The following CD226 variants were observed in gnomAD, a reference collection of about 807,000 sequenced individuals.
CD226 encodes CD226 molecule, also known as CD226 antigen.
CD226 carries 24 observed loss-of-function variants against 34.9 expected under a neutral mutation model. The observed-to-expected ratio is 0.69, with a 90% CI of 0.50 to 0.97. CD226 has a LOEUF of 0.97. CD226 is among the 50% of genes least tolerant of loss of function. CD226 has a pLI of 0.00. For synonymous variants in CD226, 148 were observed against 147.4 expected (o/e 1.00, Z -0.03); for missense variants, 397 against 412.7 (o/e 0.96, Z 0.33).
At chr18:69,894,017 C>T (rs1444289150) in intron 3 of CD226, among the ~76,000 whole-genome samples, 2 of 151,212 alleles carry the variant, frequency 1.3e-5, no homozygotes, top group East Asian at 3.9e-4. Flanking sequence ...ACAAGTCTAA[C>T]ATAAGTCAAA....
chr18:69,874,899 T>G (rs1204540805), intron 3 of CD226, among the ~76,000 whole-genome samples: 1 of 152,220 alleles, frequency 6.6e-6, no homozygotes, highest in African/African-American at 2.4e-5. Context: ...CTGTCACACA[T>G]GATATGATTT....
At chr18:69,869,333 A>G (rs2266603) in intron 4 of CD226, among the ~76,000 whole-genome samples, 9,201 of 152,292 alleles carry the variant, frequency 0.06, 811 homozygotes, top group African/African-American at 0.19. Flanking sequence ...ACAGAAAGAA[A>G]TGAGATCATG....
chr18:69,872,443 G>A (rs1983594301), intron 4 of CD226, among the ~76,000 whole-genome samples: 2 of 151,938 alleles, frequency 1.3e-5, no homozygotes, highest in African/African-American at 4.8e-5. Context: ...TATTGACAGG[G>A]TCTTGCTATG....
At chr18:69,936,123 A>C (rs1599023499) in intron 2 of CD226, among the ~76,000 whole-genome samples, 1 of 152,186 alleles carries the variant, frequency 6.6e-6, no homozygotes, top group Admixed American at 6.5e-5. Flanking sequence ...CCAAGCCTGT[A>C]CCCGTGCCTG....
At chr18:69,901,071 T>A (rs1291957361) in intron 2 of CD226, among the ~76,000 whole-genome samples, 1 of 151,864 alleles carries the variant, frequency 6.6e-6, no homozygotes, top group African/African-American at 2.4e-5. Flanking sequence ...AACCACCAAC[T>A]TACAGAACTG....
intron 2 of CD226, among the ~76,000 whole-genome samples, chr18:69,920,867 G>C (rs984440922): frequency 6.6e-6 from 1 of 152,176 alleles, no homozygotes. Context: ...AATAGTAGAT[G>C]AATAGCATCT....
chr18:69,878,464 T>C (rs1984013094), intron 3 of CD226, among the ~76,000 whole-genome samples: 1 of 151,790 alleles, frequency 6.6e-6, no homozygotes, highest in Non-Finnish European at 1.5e-5. Context: ...ATATTGCCAG[T>C]CCCTTCTTCC....
chr18:69,925,964 G>T (rs1430616938), intron 2 of CD226, among the ~76,000 whole-genome samples: 2 of 152,102 alleles, frequency 1.3e-5, no homozygotes, highest in Non-Finnish European at 2.9e-5. Flanking sequence ...CCAATATGGT[G>T]ATACCCCATC....
At chr18:69,954,898 T>C (rs2055883717) in intron 1 of CD226, among the ~76,000 whole-genome samples, 1 of 152,226 alleles carries the variant, frequency 6.6e-6, no homozygotes, top group African/African-American at 2.4e-5. Flanking sequence ...GAGCTATTTT[T>C]GTTGTGTCAG....
intron 3 of CD226, among the ~76,000 whole-genome samples, chr18:69,893,873 A>T (rs1317818592): frequency 1.3e-5 from 2 of 152,218 alleles, no homozygotes; most frequent in African/African-American, 4.8e-5. Context: ...TCCTTATTAT[A>T]CACAGAGCTA....
intron 2 of CD226, among the ~76,000 whole-genome samples, chr18:69,914,210 C>A (rs2055359002): frequency 6.6e-6 from 1 of 152,166 alleles, no homozygotes; most frequent in Admixed American, 6.5e-5. Flanking sequence ...CAGATCACAC[C>A]TGCAAAACTA....
Position 69,864,269 on chromosome 18 carries a change from G to A in CD226, c.*45C>T, listed in dbSNP as rs57613010. On this transcript the variant is annotated 3_prime_UTR_variant, in exon 6 of 6. Coordinates refer to ENST00000582621, the MANE Select transcript of CD226 (RefSeq NM_001303618.2). Reference sequence around the variant, plus strand: ...AAAAATTGCATAAAGATCCATGCATGAGTACATAAGAGTCATTACTAATGC... The same window carrying A: ...AAAAATTGCATAAAGATCCATGCATAAGTACATAAGAGTCATTACTAATGC... The A allele has an allele frequency of 2.2e-5, 35 of 1,597,986 alleles. No individual in the cohort carries two copies. The highest frequency in any genetic ancestry group is 2.8e-5 in the Non-Finnish European group (33 of 1,168,082).
chr18:69,954,568 G>A (rs1048208977), intron 1 of CD226, among the ~76,000 whole-genome samples: 5 of 151,894 alleles, frequency 3.3e-5, no homozygotes, highest in African/African-American at 1.2e-4. Context: ...CACTCTCGGT[G>A]GTTTCTATGA....
intron 3 of CD226, among the ~76,000 whole-genome samples, chr18:69,884,657 C>T (rs1984457881): frequency 6.6e-6 from 1 of 152,218 alleles, no homozygotes; most frequent in African/African-American, 2.4e-5. Flanking sequence ...AAGCACCTCA[C>T]TCAAGGTGCA....
chr18:69,880,348 GAAAGAAAGA>G lies in CD226; in HGVS notation c.728-7111_728-7103del, dbSNP rs796498055. Among the ~76,000 whole-genome samples the G allele has an allele frequency of 9.3e-3, 772 of 83,284 alleles. 29 individuals carry two copies. The East Asian group carries it at 0.2, about 22-fold the overall frequency. 54.6% of individuals were successfully genotyped at this position (83,284 alleles called of 152,430 possible). A position where few individuals can be genotyped will look rare whatever the true frequency, so the allele number is the denominator to read the frequency against. ...AGAAAGAGAGAAAGAAAGAAAGAAA[GAAAGAAAGA>G]AAGGAAGGAAGGAAGGAAGGAAGGG... On this transcript the variant is annotated intron_variant, in intron 3 of 5. Coordinates refer to ENST00000582621, the MANE Select transcript of CD226 (RefSeq NM_001303618.2).
intron 2 of CD226, among the ~76,000 whole-genome samples, chr18:69,902,572 AAAT>A (rs899953619): frequency 6.6e-6 from 1 of 150,938 alleles, no homozygotes. Context: ...CCCTAAAAAA[AAAT>A]GTGTGTTGTG....
chr18:69,949,765 CA>C (rs1344807106), upstream of CD226, among the ~76,000 whole-genome samples: 3 of 148,298 alleles, frequency 2.0e-5, no homozygotes, highest in African/African-American at 7.3e-5. Flanking sequence ...CACATGCACC[CA>C]CACACACATG....
intron 3 of CD226, among the ~76,000 whole-genome samples, chr18:69,891,292 A>C (rs1163949216): frequency 6.6e-6 from 1 of 152,026 alleles, no homozygotes; most frequent in African/African-American, 2.4e-5. Flanking sequence ...TGTGATTAAA[A>C]AAAAAAAACT....
Position 69,900,656 on chromosome 18 carries a change from C to T in CD226, c.383-4611G>A, listed in dbSNP as rs1017569995. Among the ~76,000 whole-genome samples, 43 of 146,442 alleles carry T rather than the reference C, an allele frequency of 2.9e-4. 1 individual carries two copies. Among genetic ancestry groups the T allele is most frequent in the Non-Finnish European group, 5.2e-4 (35 of 67,218 alleles). ...CTGAGGCAGGAGAATGGCGTGAACCCGGGAGGCGGAGCTTGCAGTGAGCCG... is the reference window on the plus strand; with the variant it reads ...CTGAGGCAGGAGAATGGCGTGAACCTGGGAGGCGGAGCTTGCAGTGAGCCG... On this transcript the variant is annotated intron_variant, in intron 2 of 5. Transcript: ENST00000582621.
Sources: gnomAD v4.1 joint callset for allele counts (sites outside exome capture counted in the v4.1 genomes callset) on GRCh38, gnomAD v4.1.1 for gene constraint, MANE v1.5 for transcripts, NCBI Gene and HGNC (gene_info 2026-07-23, HGNC 2026-07-21) for gene names.